Variants in MIOS observed in about 807,000 individuals in gnomAD.
The protein encoded by MIOS is meiosis regulator for oocyte development.
In MIOS, 52 loss-of-function variants were observed where a neutral mutation model predicts 96.9. The observed-to-expected ratio is 0.54, with a 90% CI of 0.43 to 0.68. The LOEUF (loss-of-function observed/expected upper bound fraction) is 0.68. Ranked by LOEUF, MIOS falls within the 30% of genes least tolerant of loss-of-function variation. The pLI is 0.00. For missense variants in MIOS, 1,005 were observed against 1,052.8 expected (o/e 0.95, Z 0.63); for synonymous variants, 397 against 359.5 (o/e 1.10, Z -1.18).
Position 7,573,506 on chromosome 7 carries a change from A to G in MIOS, c.1031A>G (p.Asn344Ser), listed in dbSNP as rs895454538. Residue 344 changes from asparagine to serine, a missense_variant, in exon 4 of 13, where the codon AAC (asparagine) becomes AGC (serine). By Grantham distance (46) the Asn-to-Ser change is conservative. Around this residue, in one of 3 missense-constraint regions of MIOS, gnomAD observed 865 missense variants for 887.9 expected, o/e 0.97. Coordinates refer to ENST00000340080, the MANE Select transcript of MIOS (RefSeq NM_019005.4). The surrounding 1 kb of genome is among the most constrained non-coding windows in gnomAD (Gnocchi z 5.0). ...SQNRMIVVTP[N>S]RTMSDFTVFE... The stretch of plus-strand genomic sequence containing the variant: ...AATCGAATGATAGTTGTAACTCCCA[A>G]CCGAACAATGTCAGACTTCACTGTT... The G allele has an allele frequency of 3.7e-6, 6 of 1,614,140 alleles. No individual in the cohort carries two copies. Among genetic ancestry groups the G allele is most frequent in the East Asian group, 4.5e-5 (2 of 44,878 alleles).
At chr7:7,570,747 A>G (rs1783323874) in intron 3 of MIOS, among the ~76,000 whole-genome samples, 1 of 152,100 alleles carries the variant, frequency 6.6e-6, no homozygotes, top group Non-Finnish European at 1.5e-5. Flanking sequence ...CCTGTGAGAA[A>G]CTAATGCTGC....
chr7:7,568,629 C>T (rs564719985), intron 3 of MIOS, among the ~76,000 whole-genome samples: 1 of 152,322 alleles, frequency 6.6e-6, no homozygotes, highest in East Asian at 1.9e-4. Context: ...CTGTCACTGT[C>T]TGGACATTGT....
chr7:7,600,109 C>T (rs996077097), intron 11 of MIOS, among the ~76,000 whole-genome samples: 1 of 151,906 alleles, frequency 6.6e-6, no homozygotes, highest in African/African-American at 2.4e-5. Flanking sequence ...CACCAAAACC[C>T]CCATGACACG....
chr7:7,578,735 G>C (rs1563020541), intron 5 of MIOS, among the ~76,000 whole-genome samples: 1 of 151,268 alleles, frequency 6.6e-6, no homozygotes, highest in East Asian at 1.9e-4. Flanking sequence ...TGGAGACAGA[G>C]TCTCTCTCTC....
chr7:7,588,852 A>G (rs966635245), intron 8 of MIOS, among the ~76,000 whole-genome samples: 2 of 152,154 alleles, frequency 1.3e-5, no homozygotes, highest in Non-Finnish European at 2.9e-5. Context: ...AGGGTTCCTC[A>G]TTTTTACTAC....
At chr7:7,595,780 C>T (rs1052119951) in intron 10 of MIOS, among the ~76,000 whole-genome samples, 28 of 152,184 alleles carry the variant, frequency 1.8e-4, no homozygotes, top group South Asian at 1.0e-3. Flanking sequence ...TAGCAATTTA[C>T]GGTAAAAACA....
At chr7:7,584,744 G>C (rs1783832815) in intron 6 of MIOS, among the ~76,000 whole-genome samples, 1 of 152,118 alleles carries the variant, frequency 6.6e-6, no homozygotes. Flanking sequence ...AATAAGTGTA[G>C]AAAATACTTA....
intron 5 of MIOS, among the ~76,000 whole-genome samples, chr7:7,580,888 T>A (rs1481358768): frequency 2.0e-5 from 3 of 149,616 alleles, no homozygotes; most frequent in Non-Finnish European, 3.0e-5. Flanking sequence ...GGTTTTGCCA[T>A]GTTGGCTGGG....
intron 11 of MIOS, among the ~76,000 whole-genome samples, chr7:7,604,322 A>G (rs999891680): frequency 9.2e-5 from 14 of 152,168 alleles, no homozygotes; most frequent in Non-Finnish European, 1.5e-4. Context: ...TTTGTGATTC[A>G]AATAGCTGGA....
intron 11 of MIOS, among the ~76,000 whole-genome samples, chr7:7,601,399 G>T (rs183780362): frequency 6.6e-6 from 1 of 151,858 alleles, no homozygotes; most frequent in African/African-American, 2.4e-5. Flanking sequence ...TATCACCACC[G>T]ATCCCACAGA....
chr7:7,585,492 C>A, intron 6 of MIOS, 144 bp from the exon 7 acceptor site: 1 of 479,110 alleles, frequency 2.1e-6, no homozygotes, highest in Non-Finnish European at 3.3e-6. Context: ...ACTCCATAGG[C>A]AGAGCAGCCC....
chr7:7,580,467 G>A (rs187662337), intron 5 of MIOS, among the ~76,000 whole-genome samples: 247 of 152,118 alleles, frequency 1.6e-3, no homozygotes, highest in Non-Finnish European at 3.3e-3. Context: ...TTAAAAATAC[G>A]TAACTTCAAG....
intron 9 of MIOS, among the ~76,000 whole-genome samples, chr7:7,593,311 T>G (rs1362479839): frequency 6.6e-6 from 1 of 152,210 alleles, no homozygotes; most frequent in Non-Finnish European, 1.5e-5. Context: ...TAAATTTAAC[T>G]CTGGTAATTA....
chr7:7,598,488 T>C (rs1784279710), intron 11 of MIOS, among the ~76,000 whole-genome samples: 1 of 151,772 alleles, frequency 6.6e-6, no homozygotes. Context: ...TCAAGGATTT[T>C]TATTTTATAC....
intron 5 of MIOS, among the ~76,000 whole-genome samples, chr7:7,576,049 T>C (rs1389679947): frequency 6.6e-6 from 1 of 152,180 alleles, no homozygotes; most frequent in African/African-American, 2.4e-5. Context: ...GTCAACACAT[T>C]GAGCCATCTT....
intron 6 of MIOS, among the ~76,000 whole-genome samples, chr7:7,585,168 A>AG (rs1783845908): frequency 6.6e-6 from 1 of 152,172 alleles, no homozygotes; most frequent in Non-Finnish European, 1.5e-5. Flanking sequence ...TAAACTTGTT[A>AG]AAGTTGACAG....
chr7:7,584,620 G>A (rs1783827583), intron 6 of MIOS, among the ~76,000 whole-genome samples: 1 of 152,188 alleles, frequency 6.6e-6, no homozygotes, highest in East Asian at 1.9e-4. Flanking sequence ...TTGGGAAAGT[G>A]TTTATAGAAA....
intron 9 of MIOS, among the ~76,000 whole-genome samples, chr7:7,593,838 C>A (rs192344356): frequency 1.6e-4 from 23 of 142,748 alleles, no homozygotes; most frequent in African/African-American, 5.8e-4. Flanking sequence ...GAGATCGTGC[C>A]ACTGCGCTCC....
chr7:7,586,812 G>C (rs183022919), intron 7 of MIOS, among the ~76,000 whole-genome samples: 6 of 152,100 alleles, frequency 3.9e-5, no homozygotes, highest in East Asian at 3.9e-4. Context: ...TTAAACAGAA[G>C]ACTTTAAATG....
Sources: gnomAD v4.1 joint callset for allele counts (sites outside exome capture counted in the v4.1 genomes callset) on GRCh38, gnomAD v4.1.1 for gene constraint, gnomAD v4.1.1 regional missense constraint, Gnocchi (gnomAD v3.1) non-coding constraint, MANE v1.5 for transcripts, NCBI Gene and HGNC (gene_info 2026-07-23, HGNC 2026-07-21) for gene names.